FN3K: variants seen among roughly 807,000 people sequenced by gnomAD.
FN3K encodes fructosamine-3-kinase.
A neutral mutation model predicts 24.8 loss-of-function variants in FN3K; 24 were observed. The observed-to-expected ratio is 0.97, with a 90% confidence interval of 0.70 to 1.36. The LOEUF is 1.36. Among genes scored for constraint, FN3K ranks in the 40% most tolerant of loss-of-function variants. FN3K has a pLI of 0.00. For missense variants in FN3K, 449 were observed against 416.7 expected (o/e 1.08, Z -0.67); for synonymous variants, 192 against 175.2 (o/e 1.10, Z -0.76).
At chr17:82,739,556 G>A (rs901742974) in intron 2 of FN3K, among the ~76,000 whole-genome samples, 12 of 149,390 alleles carry the variant, frequency 8.0e-5, no homozygotes, top group African/African-American at 3.0e-4. Flanking sequence ...CTCCTGGGTT[G>A]ACGCCATTCT....
At chr17:82,746,010 C>T (rs1055368211) in intron 4 of FN3K, among the ~76,000 whole-genome samples, 9 of 147,214 alleles carry the variant, frequency 6.1e-5, no homozygotes, top group South Asian at 2.2e-4. Flanking sequence ...AGGAGAATGG[C>T]GTGAACTCGG....
In FN3K at chr17:82,741,465, C is replaced by T. The variant is rs149200763; in HGVS notation, c.468+72C>T. The T allele has an allele frequency of 1.3e-4, 176 of 1,336,716 alleles. 1 individual carries two copies. In the African/African-American group the frequency reaches 1.8e-3, roughly 14 times the overall value. The allele number at this position is 1,336,716 out of a possible 1,614,324, so 82.8% of individuals were successfully genotyped here. A position where few individuals can be genotyped will look rare whatever the true frequency, so the allele number is the denominator to read the frequency against. On this transcript the variant is annotated intron_variant, in intron 4 of 5. Coordinates refer to ENST00000300784, the MANE Select transcript of FN3K (RefSeq NM_022158.4). ...CCCACTCTTTATATGTGACAGAATGCTAATCTCCCAAGCACCAGCAAGATT... is the reference window on the plus strand; with the variant it reads ...CCCACTCTTTATATGTGACAGAATGTTAATCTCCCAAGCACCAGCAAGATT...
intron 5 of FN3K, chr17:82,749,520 C>T (rs560222059): frequency 4.5e-5 from 10 of 222,276 alleles, no homozygotes; most frequent in South Asian, 4.1e-4. Context: ...AAAAATTAAC[C>T]GTGCATGGTG....
rs1453236476 is a variant in FN3K at position 82,750,782 on chromosome 17, C to A, written c.*27C>A. 6.3e-7 allele frequency: 1 copy of A among 1,578,860 alleles called. No individual in the cohort carries two copies. Among genetic ancestry groups the A allele is most frequent in the Non-Finnish European group, 8.6e-7 (1 of 1,160,064 alleles). On this transcript the variant is annotated 3_prime_UTR_variant, in exon 6 of 6. Transcript: ENST00000300784. ...GGCCCCTGCCCTCCCTTCCCCTGTC[C>A]CCGTCCCCGTCTCCGTCTCCCCGTC...
At chr17:82,745,040 C>T (rs1289925570) in intron 4 of FN3K, 1 of 152,148 alleles carries the variant, frequency 6.6e-6, no homozygotes, top group African/African-American at 2.4e-5. Context: ...AGAGGCATGC[C>T]TTCCTCTTAT....
At chr17:82,735,799 G>A in intron 1 of FN3K, 22 bp downstream of exon 1, 1 of 1,549,660 alleles carries the variant, frequency 6.5e-7, no homozygotes, top group Non-Finnish European at 8.7e-7. Flanking sequence ...TGCGCAGGCG[G>A]GGGCTCTGCG....
At chr17:82,746,186 C>T (rs1490431246) in intron 4 of FN3K, among the ~76,000 whole-genome samples, 2 of 151,656 alleles carry the variant, frequency 1.3e-5, no homozygotes, top group African/African-American at 4.8e-5. Flanking sequence ...TCCAGTTCCT[C>T]CACATCCTTG....
In FN3K at chr17:82,748,970, G is replaced by T. The variant is rs374218797; in HGVS notation, c.584G>T (p.Arg195Leu). 2.5e-6 allele frequency: 4 copies of T among 1,614,026 alleles called. No individual in the cohort carries two copies. In the African/African-American group the frequency reaches 4.0e-5, roughly 16 times the overall value. The change falls in exon 5 of 6, where the codon CGG (arginine) becomes CTG (leucine). Residue 195 changes from arginine (R) to leucine (L), a missense_variant. Arg to Leu is a moderately radical substitution (Grantham distance 102, BLOSUM62 -2). Coordinates refer to ENST00000300784, the MANE Select transcript of FN3K (RefSeq NM_022158.4). Reference sequence around the variant, plus strand: ...CGAGAGGCACGAGAACTCTGGTCCCGGCTACAGGTGGGCACGGCAGTGACT... The same window carrying T: ...CGAGAGGCACGAGAACTCTGGTCCCTGCTACAGGTGGGCACGGCAGTGACT... ...ADREARELWS[R>L]LQVKIPDLFC...
Position 82,735,630 on chromosome 17 carries a change from G to C in FN3K, c.-7G>C, listed in dbSNP as rs760137710. 4 of 1,518,552 alleles carry C rather than the reference G, an allele frequency of 2.6e-6. No homozygotes were observed. The South Asian group carries it at 4.9e-5, about 19-fold the overall frequency. The allele number at this position is 1,518,552 out of a possible 1,614,324, so 94.1% of individuals were successfully genotyped here. A position where few individuals can be genotyped will look rare whatever the true frequency, so the allele number is the denominator to read the frequency against. ...CCGAGCGAGCAGAGTCCCGCGCCCC[G>C]CACTCCATGGAGCAGCTGCTGCGCG... On this transcript the variant is annotated 5_prime_UTR_variant, in exon 1 of 6. Coordinates refer to ENST00000300784, the MANE Select transcript of FN3K (RefSeq NM_022158.4).
At chr17:82,748,791 T>C in intron 4 of FN3K, 64 bp from the exon 5 acceptor site, 4 of 1,611,300 alleles carry the variant, frequency 2.5e-6, no homozygotes, top group Non-Finnish European at 3.4e-6. Flanking sequence ...GAATGGTCCC[T>C]CTAGGGTTTA....
intron 1 of FN3K, chr17:82,736,134 T>TGGGCCCCTGGCAG: frequency 3.8e-6 from 1 of 263,018 alleles, no homozygotes; most frequent in South Asian, 4.9e-5. Context: ...GAGACATGGC[T>TGGGCCCCTGGCAG]GGGCCCCTGG....
chr17:82,738,947 T>TATATACGTGTATATATATATATACGTA (rs1491164859), intron 2 of FN3K, among the ~76,000 whole-genome samples: 1 of 65,250 alleles, frequency 1.5e-5, no homozygotes, highest in African/African-American at 6.4e-5. Flanking sequence ...TATATATATA[T>TATATACGTGTATATATATATATACGTA]TTTTTTTTTT....
chr17:82,744,521 T>G (rs2046957596), intron 4 of FN3K, among the ~76,000 whole-genome samples: 1 of 152,228 alleles, frequency 6.6e-6, no homozygotes, highest in Non-Finnish European at 1.5e-5. Flanking sequence ...GTCTTCTGTC[T>G]GCTTCTCTCA....
chr17:82,742,616 C>T (rs2046946875), intron 4 of FN3K: 2 of 433,146 alleles, frequency 4.6e-6, no homozygotes, highest in African/African-American at 2.1e-5. Context: ...TTACATATTC[C>T]TTTTTATGGC....
chr17:82,749,525 A>G (rs1359230632), intron 5 of FN3K: 2 of 218,814 alleles, frequency 9.1e-6, no homozygotes, highest in Non-Finnish European at 1.9e-5. Flanking sequence ...TTAACCGTGC[A>G]TGGTGGTGCA....
At chr17:82,750,267 T>C in intron 5 of FN3K, 150 bp from the exon 6 acceptor site, 2 of 719,766 alleles carry the variant, frequency 2.8e-6, no homozygotes, top group Admixed American at 4.1e-5. Context: ...TCCCCTGAAG[T>C]CAGGTGGCCC....
intron 4 of FN3K, among the ~76,000 whole-genome samples, chr17:82,744,374 A>T (rs542444131): frequency 1.3e-5 from 2 of 152,360 alleles, no homozygotes; most frequent in Admixed American, 6.5e-5. Context: ...CCTTTACCAC[A>T]GTCAAGGTGA....
Position 82,750,893 on chromosome 17 carries a change from C to T in FN3K, c.*138C>T. On this transcript the variant is annotated 3_prime_UTR_variant, in exon 6 of 6. Transcript: ENST00000300784. ...GTCCCTCCGTCTCCATCCCCCCGTC[C>T]CCCCATCCTCCTGTCCCCGTCCCCC... 1 of 494,008 alleles carries T rather than the reference C, an allele frequency of 2.0e-6. No individual in the cohort carries two copies. The allele number at this position is 494,008 out of a possible 1,614,324, so 30.6% of individuals were successfully genotyped here.
chr17:82,747,368 T>C (rs2046974105), intron 4 of FN3K, among the ~76,000 whole-genome samples: 1 of 152,180 alleles, frequency 6.6e-6, no homozygotes, highest in African/African-American at 2.4e-5. Flanking sequence ...TTTAAAATAT[T>C]TGAGGATTTC....
Sources: gnomAD v4.1 joint callset for allele counts (sites outside exome capture counted in the v4.1 genomes callset) on GRCh38, gnomAD v4.1.1 for gene constraint, MANE v1.5 for transcripts, NCBI Gene and HGNC (gene_info 2026-07-23, HGNC 2026-07-21) for gene names.